Variants in PPP1R16B observed in about 807,000 individuals in gnomAD.
The protein encoded by PPP1R16B is protein phosphatase 1 regulatory inhibitor subunit 16B.
Under a neutral mutation model 61.7 loss-of-function variants are expected in PPP1R16B, and 14 were observed. That is an observed-to-expected ratio of 0.23 (90% CI 0.15 to 0.35). The LOEUF is 0.35. Among genes scored for constraint, PPP1R16B ranks in the 10% least tolerant of loss-of-function variants. PPP1R16B has a pLI of 1.00. For missense variants in PPP1R16B, 547 were observed against 752.5 expected (o/e 0.73, Z 3.19); for synonymous variants, 266 against 305.3 (o/e 0.87, Z 1.34).
At chr20:38,843,595 T>C (rs546468283) in intron 2 of PPP1R16B, among the ~76,000 whole-genome samples, 5 of 152,264 alleles carry the variant, frequency 3.3e-5, no homozygotes, top group Non-Finnish European at 7.3e-5. Context: ...TTGGAAATCA[T>C]GTACCATCAC....
At chr20:38,895,910 TTTCTTC>T (rs2085336114) in intron 4 of PPP1R16B, among the ~76,000 whole-genome samples, 200 bp downstream of exon 4, 1 of 85,088 alleles carries the variant, frequency 1.2e-5, no homozygotes, top group Admixed American at 1.0e-4. Flanking sequence ...TCCTTCCTTC[TTTCTTC>T]CCTCCCTCCC....
At chr20:38,899,645 G>C (rs536104156) in intron 4 of PPP1R16B, among the ~76,000 whole-genome samples, 2 of 152,302 alleles carry the variant, frequency 1.3e-5, no homozygotes, top group South Asian at 4.1e-4. Flanking sequence ...GGAGGAGGTG[G>C]AATATAACTG....
Position 38,898,811 on chromosome 20 carries a change from AAAC to A in PPP1R16B, c.468-1737_468-1735del, listed in dbSNP as rs145367321. ...GGTGATGGAGCAAGACCTTGTTTCA[AAAC>A]AACAACAACAACAACAACAACAACA... On this transcript the variant is annotated intron_variant, in intron 4 of 10. Transcript: ENST00000299824. Among the ~76,000 whole-genome samples, 231 of 150,172 alleles carry A rather than the reference AAAC, an allele frequency of 1.5e-3. 1 individual carries two copies. Among genetic ancestry groups the A allele is most frequent in the African/African-American group, 2.8e-3 (113 of 40,600 alleles).
intron 10 of PPP1R16B, among the ~76,000 whole-genome samples, chr20:38,911,435 G>A (rs1472821582): frequency 1.3e-5 from 2 of 151,948 alleles, no homozygotes; most frequent in East Asian, 3.9e-4. Flanking sequence ...CAAAGTGCTG[G>A]GATTACAGGC....
intron 1 of PPP1R16B, among the ~76,000 whole-genome samples, 167 bp downstream of exon 1, chr20:38,805,959 T>A (rs1026269880): frequency 1.3e-5 from 2 of 151,906 alleles, no homozygotes; most frequent in East Asian, 1.9e-4. Context: ...GTGGGGACTC[T>A]GGAAAGACGG....
intron 2 of PPP1R16B, among the ~76,000 whole-genome samples, chr20:38,859,069 C>A (rs1214859038): frequency 1.3e-5 from 2 of 152,192 alleles, no homozygotes; most frequent in East Asian, 3.9e-4. Flanking sequence ...GACCTTGGAA[C>A]AGCTACCAAG....
intron 4 of PPP1R16B, among the ~76,000 whole-genome samples, chr20:38,900,086 G>C (rs2085379992): frequency 1.3e-5 from 2 of 152,096 alleles, no homozygotes; most frequent in Admixed American, 6.6e-5. Context: ...GAGCCACTGT[G>C]CCCGGTCATG....
At chr20:38,855,759 T>C (rs1261301138) in intron 2 of PPP1R16B, among the ~76,000 whole-genome samples, 1 of 151,608 alleles carries the variant, frequency 6.6e-6, no homozygotes, top group Admixed American at 6.6e-5. Context: ...CCATTGTGGC[T>C]GAGACTCCTG....
intron 10 of PPP1R16B, among the ~76,000 whole-genome samples, chr20:38,914,925 A>G (rs1052620987): frequency 1.3e-5 from 2 of 152,104 alleles, no homozygotes; most frequent in African/African-American, 4.8e-5. Flanking sequence ...ACCTCAGCCT[A>G]CCAAAGTGCT....
At chr20:38,815,792 AC>A (rs1364894739) in intron 1 of PPP1R16B, among the ~76,000 whole-genome samples, 1 of 152,246 alleles carries the variant, frequency 6.6e-6, no homozygotes, top group Non-Finnish European at 1.5e-5. Flanking sequence ...TTCAGAAACT[AC>A]ATTGTACCTG....
In PPP1R16B at chr20:38,918,672, G is replaced by T. The variant is rs750762635; in HGVS notation, c.*6G>T. ...GCTGTTGCCGTATCTCCTAGTCTCC[G>T]TGTGATGGAGGAGGGAGATGCCTGG... On this transcript the variant is annotated 3_prime_UTR_variant, in exon 11 of 11. Transcript: ENST00000299824. The surrounding 1 kb of genome is among the most constrained non-coding windows in gnomAD (Gnocchi z 5.3). 6.7e-7 allele frequency: 1 copy of T among 1,501,192 alleles called. No individual in the cohort carries two copies. The highest frequency in any genetic ancestry group is 1.4e-5 in the South Asian group (1 of 73,034). The allele number at this position is 1,501,192 out of a possible 1,614,324, so 93.0% of individuals were successfully genotyped here.
chr20:38,874,593 G>C (rs1318957978), intron 2 of PPP1R16B, among the ~76,000 whole-genome samples: 2 of 152,202 alleles, frequency 1.3e-5, no homozygotes, highest in Admixed American at 6.5e-5. Flanking sequence ...TGCTTTGATG[G>C]CTTCTCTCCA....
At chr20:38,815,910 A>C (rs1324069146) in intron 1 of PPP1R16B, among the ~76,000 whole-genome samples, 1 of 152,228 alleles carries the variant, frequency 6.6e-6, no homozygotes, top group Non-Finnish European at 1.5e-5. Flanking sequence ...AAATGAGAGC[A>C]AAACTGTATG....
intron 1 of PPP1R16B, among the ~76,000 whole-genome samples, chr20:38,829,295 A>G (rs1432742063): frequency 1.3e-5 from 2 of 152,112 alleles, no homozygotes; most frequent in African/African-American, 4.8e-5. Flanking sequence ...AAAATTAAGT[A>G]CCCTACCCTA....
At chr20:38,861,702 A>C (rs1202141353) in intron 2 of PPP1R16B, among the ~76,000 whole-genome samples, 4 of 144,200 alleles carry the variant, frequency 2.8e-5, no homozygotes, top group Admixed American at 1.4e-4. Context: ...TTTGAGACGA[A>C]GTCTTGCTCT....
chr20:38,869,424 G>A (rs1245904231), intron 2 of PPP1R16B, among the ~76,000 whole-genome samples: 2 of 152,146 alleles, frequency 1.3e-5, no homozygotes, highest in African/African-American at 4.8e-5. Context: ...CTCCCAAAGT[G>A]TTGGGATTAC....
chr20:38,850,905 T>C (rs925249683), intron 2 of PPP1R16B, among the ~76,000 whole-genome samples: 4 of 150,508 alleles, frequency 2.7e-5, no homozygotes, highest in African/African-American at 9.8e-5. Context: ...GAGGTGGAGG[T>C]TGCAGTGAGC....
chr20:38,857,702 A>G (rs1030540296), intron 2 of PPP1R16B, among the ~76,000 whole-genome samples: 3 of 152,188 alleles, frequency 2.0e-5, no homozygotes, highest in Admixed American at 6.5e-5. Context: ...ATTTTTGGCA[A>G]GTATATTCCA....
At chr20:38,855,978 A>AGGAGGAGGAGGAGGAGGAGGAGGAG (rs1555804346) in intron 2 of PPP1R16B, among the ~76,000 whole-genome samples, 9 of 29,752 alleles carry the variant, frequency 3.0e-4, no homozygotes, top group African/African-American at 1.8e-3. Flanking sequence ...AGAGAGAGAG[A>AGGAGGAGGAGGAGGAGGAGGAGGAG]GAGAAGGAGG....
Sources: allele counts gnomAD v4.1 joint callset (sites outside exome capture counted in the v4.1 genomes callset), GRCh38; gene constraint gnomAD v4.1.1; non-coding constraint Gnocchi (gnomAD v3.1); transcripts MANE v1.5; gene names NCBI Gene and HGNC (gene_info 2026-07-23, HGNC 2026-07-21).